Variants in ANKRD44 observed in about 807,000 individuals in gnomAD.
ANKRD44 encodes the protein serine/threonine-protein phosphatase 6 regulatory ankyrin repeat subunit B.
ANKRD44 carries 35 observed loss-of-function variants against 116.0 expected under a neutral mutation model. The observed-to-expected ratio is 0.30, with a 90% CI of 0.23 to 0.40. The LOEUF is 0.40. Ranked by LOEUF, ANKRD44 falls within the 10% of genes least tolerant of loss-of-function variation. The pLI is 1.00. For missense variants in ANKRD44, 1,014 were observed against 1,242.6 expected (o/e 0.82, Z 2.77); for synonymous variants, 435 against 461.8 (o/e 0.94, Z 0.74).
chr2:197,031,628 T>A (rs2124892649), intron 16 of ANKRD44, among the ~76,000 whole-genome samples: 2 of 152,364 alleles, frequency 1.3e-5, no homozygotes, highest in South Asian at 4.1e-4. Context: ...TCCTTTCTAG[T>A]CAATACATGT....
chr2:197,183,234 A>C (rs1368864008), intron 2 of ANKRD44, among the ~76,000 whole-genome samples: 1 of 152,150 alleles, frequency 6.6e-6, no homozygotes, highest in Non-Finnish European at 1.5e-5. Flanking sequence ...ACCCATCAAA[A>C]AGCGTGGAGA....
Position 196,989,166 on chromosome 2 carries a change from A to T in ANKRD44, c.*425T>A. The T allele has an allele frequency of 3.0e-6, 3 of 983,634 alleles. No individual in the cohort carries two copies. The highest frequency in any genetic ancestry group is 1.7e-5 in the African/African-American group (1 of 57,190). The allele number at this position is 983,634 out of a possible 1,614,324, so 60.9% of individuals were successfully genotyped here. ...TTTTTTGTTATTCTAAATAAGATAC[A>T]TAGCAATTAAAATAGAGAACAAATA... On this transcript the variant is annotated 3_prime_UTR_variant, in exon 28 of 28. Coordinates refer to ENST00000282272, the MANE Select transcript of ANKRD44 (RefSeq NM_001195144.2).
At chr2:197,307,375 CCAGT>C (rs2084102260) in intron 1 of ANKRD44, among the ~76,000 whole-genome samples, 1 of 152,064 alleles carries the variant, frequency 6.6e-6, no homozygotes, top group African/African-American at 2.4e-5. Flanking sequence ...TGCTGGGACA[CCAGT>C]CAATCTGCAC....
At chr2:197,153,857 T>C (rs532670245) in intron 2 of ANKRD44, among the ~76,000 whole-genome samples, 2 of 151,794 alleles carry the variant, frequency 1.3e-5, no homozygotes, top group South Asian at 4.2e-4. Context: ...GAGAGAAAGG[T>C]GGGGAAGGGA....
At chr2:197,218,101 C>G (rs749320747) in intron 1 of ANKRD44, among the ~76,000 whole-genome samples, 1 of 152,180 alleles carries the variant, frequency 6.6e-6, no homozygotes, top group Non-Finnish European at 1.5e-5. Context: ...GACACCAAAA[C>G]AGATGGATTC....
At chr2:196,974,086 C>T (rs1285984343) in intron 21 of ANKRD44, among the ~76,000 whole-genome samples, 2 of 150,150 alleles carry the variant, frequency 1.3e-5, no homozygotes, top group South Asian at 2.1e-4. Flanking sequence ...TACTCTCATA[C>T]TCTTTTTTTT....
At chr2:197,255,157 G>A (rs2082415657) in intron 1 of ANKRD44, among the ~76,000 whole-genome samples, 1 of 152,212 alleles carries the variant, frequency 6.6e-6, no homozygotes, top group South Asian at 2.1e-4. Context: ...AAGTTGGAAA[G>A]GCGGTCTTTA....
chr2:197,186,612 CTTTTTTTTT>C (rs149107038), intron 2 of ANKRD44, among the ~76,000 whole-genome samples: 25 of 50,808 alleles, frequency 4.9e-4, no homozygotes, highest in Admixed American at 1.1e-3. Flanking sequence ...GCTAATTTTT[CTTTTTTTTT>C]TTTTTTTTTT....
chr2:197,178,327 A>C (rs1479029015), intron 2 of ANKRD44, among the ~76,000 whole-genome samples: 1 of 151,992 alleles, frequency 6.6e-6, no homozygotes, highest in Non-Finnish European at 1.5e-5. Context: ...AAAAATTAGC[A>C]GGGCATGGTG....
intron 2 of ANKRD44, among the ~76,000 whole-genome samples, chr2:197,151,085 T>A (rs1310366036): frequency 6.7e-6 from 1 of 150,148 alleles, no homozygotes; most frequent in Non-Finnish European, 1.5e-5. Flanking sequence ...AATTTACTTT[T>A]TTTTTTTTAA....
chr2:197,066,881 G>T (rs902531339), intron 16 of ANKRD44, among the ~76,000 whole-genome samples: 1 of 152,108 alleles, frequency 6.6e-6, no homozygotes, highest in Non-Finnish European at 1.5e-5. Flanking sequence ...TAGATTCAAT[G>T]CCATCCCCAT....
At chr2:197,064,948 C>T (rs1374029865) in intron 16 of ANKRD44, among the ~76,000 whole-genome samples, 1 of 152,160 alleles carries the variant, frequency 6.6e-6, no homozygotes, top group Non-Finnish European at 1.5e-5. Flanking sequence ...CTGCACCAAG[C>T]AGACCTAATA....
At chr2:197,041,934 A>G (rs2124958931) in intron 16 of ANKRD44, among the ~76,000 whole-genome samples, 1 of 152,322 alleles carries the variant, frequency 6.6e-6, no homozygotes, top group South Asian at 2.1e-4. Context: ...AGTTCATACA[A>G]TTTCATTTCA....
At chr2:197,242,391 C>T (rs1396115512) in intron 1 of ANKRD44, among the ~76,000 whole-genome samples, 1 of 152,122 alleles carries the variant, frequency 6.6e-6, no homozygotes, top group Non-Finnish European at 1.5e-5. Context: ...CAAAGGAAAA[C>T]CACGTTCAAT....
At chr2:197,305,795 T>C (rs2084051198) in intron 1 of ANKRD44, among the ~76,000 whole-genome samples, 1 of 151,892 alleles carries the variant, frequency 6.6e-6, no homozygotes, top group Admixed American at 6.6e-5. Context: ...AATGATATTA[T>C]CACACGAAAA....
At chr2:197,129,552 T>C (rs189586320) in intron 4 of ANKRD44, among the ~76,000 whole-genome samples, 1 of 152,340 alleles carries the variant, frequency 6.6e-6, no homozygotes, top group African/African-American at 2.4e-5. Context: ...GATGACACCC[T>C]GTAGCAGGCT....
intron 1 of ANKRD44, among the ~76,000 whole-genome samples, chr2:197,194,246 G>C (rs1383398390): frequency 2.0e-5 from 3 of 152,166 alleles, no homozygotes; most frequent in African/African-American, 7.2e-5. Flanking sequence ...CCTCGAAATT[G>C]TCACACAGTC....
intron 1 of ANKRD44, among the ~76,000 whole-genome samples, chr2:197,279,868 C>T (rs1169621146): frequency 6.6e-6 from 1 of 152,164 alleles, no homozygotes; most frequent in Non-Finnish European, 1.5e-5. Context: ...CCCAGTTGGA[C>T]CATAAAGTTC....
intron 1 of ANKRD44, among the ~76,000 whole-genome samples, chr2:197,252,394 A>G (rs2082337996): frequency 6.7e-6 from 1 of 149,942 alleles, no homozygotes; most frequent in African/African-American, 2.5e-5. Flanking sequence ...TCCTGAATAT[A>G]TATATATGTA....
Sources: gnomAD v4.1 joint callset for allele counts (sites outside exome capture counted in the v4.1 genomes callset) on GRCh38, gnomAD v4.1.1 for gene constraint, MANE v1.5 for transcripts, NCBI Gene and HGNC (gene_info 2026-07-23, HGNC 2026-07-21) for gene names.